Variants in ABLIM1 observed in about 807,000 individuals in gnomAD.
ABLIM1 encodes actin-binding LIM protein 1.
Under a neutral mutation model 107.0 loss-of-function variants are expected in ABLIM1, and 40 were observed. The ratio of observed to expected loss-of-function variants is 0.37; its 90% CI spans 0.29 to 0.49. The LOEUF (loss-of-function observed/expected upper bound fraction) is 0.49. Ranked by LOEUF, ABLIM1 falls within the 20% of genes least tolerant of loss-of-function variation. The pLI is 0.97. For missense variants in ABLIM1, 857 were observed against 1,008.5 expected (o/e 0.85, Z 2.04); for synonymous variants, 357 against 357.3 (o/e 1.00, Z 0.01).
intron 1 of ABLIM1, among the ~76,000 whole-genome samples, chr10:114,675,760 C>G (rs2080455334): frequency 6.6e-6 from 1 of 152,208 alleles, no homozygotes; most frequent in Non-Finnish European, 1.5e-5. Flanking sequence ...TCTCACAGTT[C>G]TGGAGACTAG....
rs376083131 is a variant in ABLIM1 at position 114,612,112 on chromosome 10, A to G, written c.245-10151T>C. On this transcript the variant is annotated intron_variant, in intron 1 of 22. Transcript: ENST00000533213. ...CTCCTAGGAGCCTTCTATGGTTTCA[A>G]TGTCCCCTCCAAAATCATGCTGAAA... 2.0e-5 allele frequency among the ~76,000 whole-genome samples: 3 copies of G among 152,296 alleles called. No homozygotes were observed. The East Asian group carries it at 5.8e-4, about 29-fold the overall frequency.
intron 14 of ABLIM1, among the ~76,000 whole-genome samples, chr10:114,450,438 T>C (rs925938574): frequency 1.4e-5 from 2 of 140,946 alleles, no homozygotes; most frequent in Non-Finnish European, 1.5e-5. Context: ...TTTCTTTCTT[T>C]TTTTTTTTTT....
chr10:114,687,151 G>T (rs570373546), upstream of ABLIM1, among the ~76,000 whole-genome samples: 1 of 152,284 alleles, frequency 6.6e-6, no homozygotes, highest in Admixed American at 6.5e-5. Flanking sequence ...ATTAAATATT[G>T]TTAAACAGTT....
intron 6 of ABLIM1, among the ~76,000 whole-genome samples, chr10:114,532,112 G>A (rs1277591329): frequency 2.0e-5 from 3 of 152,174 alleles, no homozygotes; most frequent in Non-Finnish European, 4.4e-5. Context: ...ACGGCACCTG[G>A]CCTGTATCAG....
upstream of ABLIM1, among the ~76,000 whole-genome samples, chr10:114,661,693 T>C (rs927495732): frequency 2.0e-5 from 3 of 152,230 alleles, no homozygotes; most frequent in African/African-American, 7.2e-5. Context: ...TAATTACAAA[T>C]GTTGAACTTC....
intron 1 of ABLIM1, among the ~76,000 whole-genome samples, chr10:114,649,327 G>A (rs1007785878): frequency 2.0e-5 from 3 of 151,582 alleles, no homozygotes; most frequent in Non-Finnish European, 4.4e-5. Context: ...GCTGGAACCC[G>A]GGAGGCAGAG....
At chr10:114,675,209 CTACAT>C (rs1291211001) in intron 1 of ABLIM1, among the ~76,000 whole-genome samples, 1 of 152,046 alleles carries the variant, frequency 6.6e-6, no homozygotes, top group East Asian at 1.9e-4. Flanking sequence ...AAGCTGAAGC[CTACAT>C]TACAATAAGA....
chr10:114,445,821 AGT>A (rs2060931867), intron 15 of ABLIM1, among the ~76,000 whole-genome samples: 1 of 152,112 alleles, frequency 6.6e-6, no homozygotes, highest in South Asian at 2.1e-4. Context: ...CCCAGGCTGG[AGT>A]ACAGTGATGC....
chr10:114,524,460 G>C (rs1268270773), intron 6 of ABLIM1, among the ~76,000 whole-genome samples: 1 of 151,986 alleles, frequency 6.6e-6, no homozygotes, highest in East Asian at 1.9e-4. Flanking sequence ...AACAGTTTGA[G>C]ACCCACTGGT....
In ABLIM1 at chr10:114,473,099, C is replaced by A; in HGVS notation, c.1153G>T (p.Asp385Tyr). ...TTGACCTTCGGAATGGCTGCTAAAT[C>A]CTTGTAATCCAGGATCTCATTGTCT... Reference protein sequence around the residue: ...KVDNEILDYKDLAAIPKVKAI... With the variant: ...KVDNEILDYKYLAAIPKVKAI... The change falls in exon 10 of 23, where the codon GAT (aspartate) becomes TAT (tyrosine). Residue 385 changes from aspartate to tyrosine, a missense_variant. Around this residue, in one of 5 missense-constraint regions of ABLIM1, gnomAD observed 381 missense variants for 506.9 expected, o/e 0.75. Transcript: ENST00000533213. 1 of 1,612,472 alleles carries A rather than the reference C, an allele frequency of 6.2e-7. No homozygotes were observed. The highest frequency in any genetic ancestry group is 2.2e-5 in the East Asian group (1 of 44,830).
At chr10:114,665,859 T>A (rs1181143287) in intron 1 of ABLIM1, among the ~76,000 whole-genome samples, 4 of 152,138 alleles carry the variant, frequency 2.6e-5, no homozygotes, top group Admixed American at 2.0e-4. Context: ...CAGTCAAAAT[T>A]AGATGTTTGT....
chr10:114,713,470 T>G (rs914074171), intron 1 of ABLIM1, among the ~76,000 whole-genome samples: 2 of 152,094 alleles, frequency 1.3e-5, no homozygotes, highest in Admixed American at 6.6e-5. Context: ...AAGTGCAAGA[T>G]GAAGAGAAAG....
At chr10:114,473,352 T>C (rs909825221) in intron 9 of ABLIM1, among the ~76,000 whole-genome samples, 1 of 152,184 alleles carries the variant, frequency 6.6e-6, no homozygotes, top group African/African-American at 2.4e-5. Flanking sequence ...AAAAAATCTG[T>C]GTAGAATTCA....
intron 1 of ABLIM1, among the ~76,000 whole-genome samples, chr10:114,671,869 T>C (rs1591213): frequency 1.3e-5 from 2 of 151,924 alleles, no homozygotes; most frequent in East Asian, 1.9e-4. Context: ...TCCTTTTTCA[T>C]ATTTTTTTTT....
chr10:114,704,298 CTCTCTATATA>C (rs1166819879), intron 1 of ABLIM1, among the ~76,000 whole-genome samples: 650 of 28,672 alleles, frequency 0.023, 4 homozygotes, highest in Middle Eastern at 0.071. Flanking sequence ...CTCTCTCTCT[CTCTCTATATA>C]TATATATATA....
chr10:114,555,895 C>A (rs962489070), intron 4 of ABLIM1, among the ~76,000 whole-genome samples: 14 of 151,452 alleles, frequency 9.2e-5, no homozygotes, highest in African/African-American at 3.4e-4. Flanking sequence ...AACAAAAGTA[C>A]AAAATAAGTT....
At chr10:114,761,861 A>C (rs2082753469) in intron 1 of ABLIM1, among the ~76,000 whole-genome samples, 1 of 152,040 alleles carries the variant, frequency 6.6e-6, no homozygotes, top group South Asian at 2.1e-4. Context: ...GCTAAGTCCA[A>C]CTCATTCTTC....
chr10:114,655,588 G>A (rs2079464242), intron 1 of ABLIM1, among the ~76,000 whole-genome samples: 1 of 152,076 alleles, frequency 6.6e-6, no homozygotes, highest in African/African-American at 2.4e-5. Context: ...TCCTATTTGT[G>A]GAATAAAACA....
At chr10:114,726,019 A>T (rs2081951808) in intron 1 of ABLIM1, among the ~76,000 whole-genome samples, 2 of 152,068 alleles carry the variant, frequency 1.3e-5, no homozygotes, top group South Asian at 4.2e-4. Context: ...AAGTGGTGGG[A>T]TTACAGGCAT....
Sources: allele counts gnomAD v4.1 joint callset (sites outside exome capture counted in the v4.1 genomes callset), GRCh38; gene constraint gnomAD v4.1.1; regional missense constraint gnomAD v4.1.1; transcripts MANE v1.5; gene names NCBI Gene and HGNC (gene_info 2026-07-23, HGNC 2026-07-21).